The following VAV3 variants were observed in gnomAD, a reference collection of about 807,000 sequenced individuals.
The protein encoded by VAV3 is vav guanine nucleotide exchange factor 3.
A neutral mutation model predicts 131.2 loss-of-function variants in VAV3; 94 were observed. The observed-to-expected ratio is 0.72, with a 90% CI of 0.61 to 0.85. VAV3 has a LOEUF of 0.85. VAV3 is among the 40% of genes least tolerant of loss of function. The probability of loss-of-function intolerance (pLI) is 0.00; values close to 1 mark genes in which losing one functional copy is unlikely to be tolerated. For synonymous variants in VAV3, 349 were observed against 342.0 expected (o/e 1.02, Z -0.22); for missense variants, 939 against 1,002.7 (o/e 0.94, Z 0.86).
chr1:107,779,446 G>A lies in VAV3; in HGVS notation c.368C>T (p.Ala123Val). ...SRLSRTPIAL[A>V]TGIRPFPTEE... ...AAACAGAGCTTACCTGATTCCTGTG[G>A]CCAATGCTATAGGTGTTCGAGAAAG... Residue 123 changes from alanine (A) to valine (V), a missense_variant, in exon 3 of 27, where the codon GCC (alanine) becomes GTC (valine). By Grantham distance (64) the Ala-to-Val change is moderately conservative. Transcript: ENST00000370056. 6.3e-7 allele frequency: 1 copy of A among 1,590,284 alleles called. No homozygotes were observed. The highest frequency in any genetic ancestry group is 8.6e-7 in the Non-Finnish European group (1 of 1,168,222).
At chr1:107,705,463 G>A (rs994778531) in intron 15 of VAV3, among the ~76,000 whole-genome samples, 2 of 151,894 alleles carry the variant, frequency 1.3e-5, no homozygotes, top group Admixed American at 6.6e-5. Context: ...GGGAGAAGAG[G>A]GTCATCTCTA....
rs1310895478 is a variant in VAV3, at chr1:107,686,129, T to TA, written c.1731+2251dup. Among the ~76,000 whole-genome samples the TA allele has an allele frequency of 3.4e-3, 506 of 150,458 alleles. 1 individual carries two copies. Among genetic ancestry groups the TA allele is most frequent in the Non-Finnish European group, 4.6e-3 (308 of 67,546 alleles). ...CCATTGCCTTATCTTTCTTTCCCTC[T>TA]AAAAAAAAAGGGATTTAAAGTAGCT... is the stretch of plus-strand genomic sequence containing the variant. On this transcript the variant is annotated intron_variant, in intron 18 of 26. Coordinates refer to ENST00000370056, the MANE Select transcript of VAV3 (RefSeq NM_006113.5).
chr1:107,884,157 TA>T (rs897637988), intron 1 of VAV3, among the ~76,000 whole-genome samples: 2 of 150,490 alleles, frequency 1.3e-5, no homozygotes, highest in African/African-American at 4.9e-5. Flanking sequence ...AAAAAAAAGT[TA>T]AAAAGAATAA....
At chr1:107,949,894 T>C (rs1161583051) in intron 1 of VAV3, among the ~76,000 whole-genome samples, 1 of 152,204 alleles carries the variant, frequency 6.6e-6, no homozygotes, top group Non-Finnish European at 1.5e-5. Context: ...AGTGACAGAA[T>C]TACTCTAGAC....
intron 1 of VAV3, among the ~76,000 whole-genome samples, chr1:107,948,079 G>A (rs1674357127): frequency 6.6e-6 from 1 of 152,150 alleles, no homozygotes; most frequent in African/African-American, 2.4e-5. Flanking sequence ...TTGGATAGCT[G>A]TGGATTTACT....
At chr1:107,622,933 A>C (rs1048956147) in intron 20 of VAV3, among the ~76,000 whole-genome samples, 1 of 152,146 alleles carries the variant, frequency 6.6e-6, no homozygotes, top group African/African-American at 2.4e-5. Context: ...AGATGAACAC[A>C]CTGTTTTTGG....
At chr1:107,717,274 T>C (rs1661164084) in intron 15 of VAV3, among the ~76,000 whole-genome samples, 3 of 152,224 alleles carry the variant, frequency 2.0e-5, no homozygotes, top group Admixed American at 6.5e-5. Flanking sequence ...TCTTGCCTTA[T>C]GCTAGCTTTT....
intron 1 of VAV3, among the ~76,000 whole-genome samples, chr1:107,910,742 G>A (rs936185882): frequency 6.6e-6 from 1 of 152,020 alleles, no homozygotes; most frequent in Non-Finnish European, 1.5e-5. Flanking sequence ...AACTTTGGGA[G>A]GCCAAGGCAG....
intron 25 of VAV3, among the ~76,000 whole-genome samples, chr1:107,584,507 A>G (rs1048045330): frequency 1.8e-4 from 27 of 152,222 alleles, no homozygotes; most frequent in Non-Finnish European, 2.5e-4. Context: ...CAACCTACTC[A>G]TCTGACAAAG....
intron 1 of VAV3, among the ~76,000 whole-genome samples, chr1:107,918,252 G>A (rs1672716816): frequency 6.6e-6 from 1 of 152,058 alleles, no homozygotes; most frequent in Admixed American, 6.6e-5. Flanking sequence ...AAATATTACA[G>A]AATGAGATGA....
At chr1:107,587,440 C>T (rs771982825) in intron 25 of VAV3, among the ~76,000 whole-genome samples, 4 of 152,102 alleles carry the variant, frequency 2.6e-5, no homozygotes, top group Non-Finnish European at 4.4e-5. Context: ...AATTTCTCCC[C>T]ATTTAGATGA....
At chr1:107,751,922 A>G (rs1663752739) in intron 12 of VAV3, among the ~76,000 whole-genome samples, 1 of 152,242 alleles carries the variant, frequency 6.6e-6, no homozygotes, top group African/African-American at 2.4e-5. Context: ...GATTAACACT[A>G]TAAATATAAA....
At chr1:107,772,550 A>G (rs913374582) in intron 5 of VAV3, among the ~76,000 whole-genome samples, 185 bp downstream of exon 5, 2 of 152,124 alleles carry the variant, frequency 1.3e-5, no homozygotes, top group Admixed American at 6.5e-5. Flanking sequence ...AAGATTCCCT[A>G]TGGTTGTTTT....
chr1:107,858,634 G>C (rs866641112), intron 2 of VAV3, among the ~76,000 whole-genome samples: 1 of 152,156 alleles, frequency 6.6e-6, no homozygotes, highest in Non-Finnish European at 1.5e-5. Context: ...TGCACTCCTT[G>C]TAAGAATCTA....
chr1:107,848,040 G>A (rs151329533), intron 2 of VAV3, among the ~76,000 whole-genome samples: 8 of 152,194 alleles, frequency 5.3e-5, no homozygotes, highest in East Asian at 3.9e-4. Context: ...CCAGCCAGGT[G>A]TGGTGTCTCA....
intron 1 of VAV3, among the ~76,000 whole-genome samples, chr1:107,886,878 GGAAA>G (rs1054102459): frequency 2.0e-5 from 3 of 151,384 alleles, no homozygotes; most frequent in Non-Finnish European, 4.4e-5. Flanking sequence ...ATTTGCCATG[GGAAA>G]GAAAAACTAT....
chr1:107,632,070 T>C (rs1261512145), intron 20 of VAV3, among the ~76,000 whole-genome samples: 1 of 152,170 alleles, frequency 6.6e-6, no homozygotes, highest in Non-Finnish European at 1.5e-5. Context: ...TCCACAATGG[T>C]TGAACTAGTT....
chr1:107,787,021 A>G lies in VAV3; in HGVS notation c.322-7529T>C, dbSNP rs114900638. Among the ~76,000 whole-genome samples the G allele has an allele frequency of 3.1e-3, 475 of 152,284 alleles. 2 individuals carry two copies. Among genetic ancestry groups the G allele is most frequent in the African/African-American group, 0.011 (442 of 41,536 alleles). Reference sequence around the variant, plus strand: ...CACATACACACACAAAAACACATATAAAGTCTGCATCTAATATCAAGAAAT... The same window carrying G: ...CACATACACACACAAAAACACATATGAAGTCTGCATCTAATATCAAGAAAT... On this transcript the variant is annotated intron_variant, in intron 2 of 26. Coordinates refer to ENST00000370056, the MANE Select transcript of VAV3 (RefSeq NM_006113.5).
At chr1:107,884,405 TTTATTATTATTATTA>T (rs140793122) in intron 1 of VAV3, among the ~76,000 whole-genome samples, 9,110 of 141,558 alleles carry the variant, frequency 0.064, 387 homozygotes, top group East Asian at 0.21. Context: ...AAATAAATTA[TTTATTATTATTATTA>T]TTATTATTAT....
Sources: allele counts gnomAD v4.1 joint callset (sites outside exome capture counted in the v4.1 genomes callset), GRCh38; gene constraint gnomAD v4.1.1; transcripts MANE v1.5; gene names NCBI Gene and HGNC (gene_info 2026-07-23, HGNC 2026-07-21).